Variants in RHOT1 observed in about 807,000 individuals in gnomAD.
The protein encoded by RHOT1 is ras homolog family member T1.
A neutral mutation model predicts 95.3 loss-of-function variants in RHOT1; 27 were observed. That is an observed-to-expected ratio of 0.28 (90% CI 0.21 to 0.39). The LOEUF is 0.39. Among genes scored for constraint, RHOT1 ranks in the 10% least tolerant of loss-of-function variants. RHOT1 has a pLI of 1.00. For missense variants in RHOT1, 578 were observed against 786.7 expected, an observed-to-expected ratio of 0.73 and a Z score of 3.17; for synonymous variants, 227 against 263.5, an observed-to-expected ratio of 0.86 and a Z score of 1.34.
chr17:32,175,698 C>T (rs1273849655), intron 4 of RHOT1, among the ~76,000 whole-genome samples: 1 of 152,164 alleles, frequency 6.6e-6, no homozygotes, highest in African/African-American at 2.4e-5. Flanking sequence ...TCAAGTGATA[C>T]ACCCCGTCCC....
intron 1 of RHOT1, among the ~76,000 whole-genome samples, chr17:32,168,401 C>G (rs911009786): frequency 6.6e-6 from 1 of 152,036 alleles, no homozygotes; most frequent in Non-Finnish European, 1.5e-5. Flanking sequence ...TCGCAAGTAG[C>G]TGGGACTACA....
chr17:32,202,732 AC>A (rs2037413363), intron 14 of RHOT1, 37 bp from the exon 15 acceptor site: 1 of 1,458,840 alleles, frequency 6.9e-7, no homozygotes. Flanking sequence ...TCTAAGTGGT[AC>A]ATATTTAGTG....
chr17:32,170,174 G>A (rs948411652), intron 1 of RHOT1, among the ~76,000 whole-genome samples: 24 of 152,150 alleles, frequency 1.6e-4, no homozygotes, highest in Admixed American at 1.5e-3. Context: ...CAGCACTTTG[G>A]GAGGCCGAGG....
intron 2 of RHOT1, among the ~76,000 whole-genome samples, chr17:32,172,143 T>C (rs953133446): frequency 1.3e-5 from 2 of 152,232 alleles, no homozygotes; most frequent in African/African-American, 4.8e-5. Flanking sequence ...CTGTATAATT[T>C]CATTGTTCAA....
intron 19 of RHOT1, among the ~76,000 whole-genome samples, chr17:32,215,780 A>G (rs554153161): frequency 5.9e-5 from 9 of 152,348 alleles, no homozygotes; most frequent in African/African-American, 2.2e-4. Flanking sequence ...ATTAACTTTG[A>G]TGTGTGAGAG....
intron 1 of RHOT1, among the ~76,000 whole-genome samples, chr17:32,168,419 G>T (rs2034289903): frequency 6.6e-6 from 1 of 151,948 alleles, no homozygotes; most frequent in Non-Finnish European, 1.5e-5. Context: ...ACAAGTGTGT[G>T]CCACCACACC....
chr17:32,189,999 G>A (rs1305085521), intron 8 of RHOT1, among the ~76,000 whole-genome samples: 1 of 151,760 alleles, frequency 6.6e-6, no homozygotes, highest in Non-Finnish European at 1.5e-5. Flanking sequence ...GAGCCACCAC[G>A]CCCAGCCAAA....
At chr17:32,208,034 C>T (rs1200525704) in intron 17 of RHOT1, 73 bp from the exon 18 acceptor site, 1 of 1,364,540 alleles carries the variant, frequency 7.3e-7, no homozygotes, top group African/African-American at 1.4e-5. Flanking sequence ...GGAGGAAATG[C>T]TTGGTTCACA....
rs1567695796 is a variant in RHOT1 at position 32,187,503 on chromosome 17, TAGTATA to T, written c.540+4235_540+4240del. ...GCAGATATCTTTCAGGAAAAGTTTA[TAGTATA>T]AGTGAGTGGTTAGCAATGACTCATG... is the stretch of plus-strand genomic sequence containing the variant. On this transcript the variant is annotated intron_variant, in intron 8 of 19. Transcript: ENST00000545287. Among the ~76,000 whole-genome samples the T allele has an allele frequency of 2.0e-4, 30 of 152,286 alleles. No homozygotes were observed. In the East Asian group the frequency reaches 5.6e-3, roughly 29 times the overall value.
intron 8 of RHOT1, 148 bp from the exon 9 acceptor site, chr17:32,192,053 G>T (rs1423939610): frequency 5.5e-6 from 3 of 543,578 alleles, no homozygotes; most frequent in Non-Finnish European, 9.6e-6. Flanking sequence ...ACTTAAAAAG[G>T]CTTGCATATA....
intron 13 of RHOT1, 151 bp downstream of exon 13, chr17:32,199,701 A>G (rs1219646333): frequency 3.6e-6 from 2 of 552,070 alleles, no homozygotes; most frequent in Non-Finnish European, 3.0e-6. Context: ...TATCTCTAAG[A>G]TGAACTATAA....
intron 16 of RHOT1, among the ~76,000 whole-genome samples, chr17:32,205,023 C>CT (rs2037607984): frequency 6.7e-6 from 1 of 149,964 alleles, no homozygotes; most frequent in Admixed American, 6.6e-5. Flanking sequence ...TCCCCTTTTA[C>CT]TTTCTTCTAC....
At position 32,192,197 on chromosome 17, in the gene RHOT1, A is replaced by G. The variant is rs1457720797; in HGVS notation, c.541-4A>G. 3.8e-6 allele frequency: 5 copies of G among 1,329,634 alleles called. No individual in the cohort carries two copies. In the African/African-American group the frequency reaches 5.9e-5, roughly 16 times the overall value. The allele number at this position is 1,329,634 out of a possible 1,614,324, so 82.4% of individuals were successfully genotyped here. On this transcript the variant is annotated splice_polypyrimidine_tract_variant and splice_region_variant and intron_variant, in intron 8 of 19. Coordinates refer to ENST00000545287, the MANE Select transcript of RHOT1 (RefSeq NM_001033566.3). Reference sequence around the variant, plus strand: ...CAATTATTTCTTTTCTCAATGATTTATAGATGAAACCAGCTTGTATAAAAG... The same window carrying G: ...CAATTATTTCTTTTCTCAATGATTTGTAGATGAAACCAGCTTGTATAAAAG...
chr17:32,196,054 G>A (rs987692624), intron 11 of RHOT1, among the ~76,000 whole-genome samples: 16 of 151,822 alleles, frequency 1.1e-4, no homozygotes, highest in African/African-American at 3.4e-4. Flanking sequence ...GCTACTACAC[G>A]AATATTTCTA....
rs1289560122 is a variant in RHOT1 at position 32,207,045 on chromosome 17, A to G, written c.1536+16A>G. The G allele has an allele frequency of 3.8e-6, 6 of 1,593,246 alleles. No individual in the cohort carries two copies. In the African/African-American group the frequency reaches 6.8e-5, roughly 18 times the overall value. On this transcript the variant is annotated intron_variant, in intron 17 of 19. Coordinates refer to ENST00000545287, the MANE Select transcript of RHOT1 (RefSeq NM_001033566.3). ...GATTTTTAAGGTTTGTTGCTCCTACAGACTATGACTGAATGTAACTTCATA... is the reference window on the plus strand; with the variant it reads ...GATTTTTAAGGTTTGTTGCTCCTACGGACTATGACTGAATGTAACTTCATA...
At chr17:32,151,045 T>A in intron 1 of RHOT1, 4 of 1,420,086 alleles carry the variant, frequency 2.8e-6, no homozygotes, top group Non-Finnish European at 3.9e-6. Context: ...GAGATTGTGG[T>A]CTGTTCTTGG....
At chr17:32,205,350 C>T (rs897644728) in intron 16 of RHOT1, among the ~76,000 whole-genome samples, 2 of 152,228 alleles carry the variant, frequency 1.3e-5, no homozygotes, top group East Asian at 3.9e-4. Context: ...GACATGAACT[C>T]ATTCTTTATT....
intron 1 of RHOT1, among the ~76,000 whole-genome samples, chr17:32,149,449 G>A (rs116661979): frequency 0.014 from 1,641 of 119,918 alleles, 31 homozygotes; most frequent in African/African-American, 0.058. Flanking sequence ...CTTTTTGATT[G>A]TAAGCATATT....
chr17:32,217,398 C>T (rs1033557923), intron 19 of RHOT1, among the ~76,000 whole-genome samples: 1 of 152,030 alleles, frequency 6.6e-6, no homozygotes, highest in Non-Finnish European at 1.5e-5. Flanking sequence ...CCTATTGGCT[C>T]AGTTAGGAGA....
Sources: allele counts gnomAD v4.1 joint callset (sites outside exome capture counted in the v4.1 genomes callset), GRCh38; gene constraint gnomAD v4.1.1; transcripts MANE v1.5; gene names NCBI Gene and HGNC (gene_info 2026-07-23, HGNC 2026-07-21).